The following ICE2 variants were observed in gnomAD, a reference collection of about 807,000 sequenced individuals.
The protein encoded by ICE2 is interactor of little elongation complex ELL subunit 2.
ICE2 carries 87 observed loss-of-function variants against 105.4 expected under a neutral mutation model. The observed-to-expected ratio is 0.83, with a 90% confidence interval of 0.69 to 0.99. The LOEUF is 0.99. ICE2 is among the 50% of genes least tolerant of loss of function. ICE2 has a pLI of 0.00. For synonymous variants in ICE2, 399 were observed against 392.0 expected (o/e 1.02, Z -0.21); for missense variants, 1,323 against 1,146.7 (o/e 1.15, Z -2.22).
At chr15:60,424,713 T>A (rs2063302935) in intron 15 of ICE2, among the ~76,000 whole-genome samples, 1 of 152,156 alleles carries the variant, frequency 6.6e-6, no homozygotes, top group South Asian at 2.1e-4. Flanking sequence ...TTCACCATGT[T>A]TAGGCTGGTC....
intron 15 of ICE2, among the ~76,000 whole-genome samples, chr15:60,427,603 G>A (rs2063365145): frequency 6.6e-6 from 1 of 152,152 alleles, no homozygotes; most frequent in Admixed American, 6.5e-5. Context: ...TTTTGGTAGA[G>A]ATGGGGTTTC....
chr15:60,459,197 T>C (rs986834281), intron 5 of ICE2, among the ~76,000 whole-genome samples: 3 of 152,106 alleles, frequency 2.0e-5, no homozygotes, highest in Admixed American at 6.6e-5. Context: ...TATAAATCCA[T>C]AGACACAATA....
chr15:60,465,967 G>C (rs1428672526), intron 5 of ICE2, among the ~76,000 whole-genome samples: 1 of 151,962 alleles, frequency 6.6e-6, no homozygotes, highest in African/African-American at 2.4e-5. Context: ...GACCAGGCTG[G>C]TCTCGAACTC....
chr15:60,439,757 C>T (rs923381701), intron 12 of ICE2: 4 of 152,112 alleles, frequency 2.6e-5, no homozygotes, highest in African/African-American at 9.7e-5. Flanking sequence ...TCCTTGGTGC[C>T]TTCAATGTCA....
chr15:60,466,597 T>C lies in ICE2; in HGVS notation c.525A>G (p.Thr175=), dbSNP rs1162568059. ...NMLSDDARLF[T]EKILRACIEQ... is the part of the protein sequence containing the mutation. ...CAAATGTGAGTTGTTTTTTTACCTC[T>C]GTGAAGAGACGGGCATCATCAGAAA... is the stretch of plus-strand genomic sequence containing the variant. Residue 175 remains threonine, a synonymous_variant, in exon 5 of 16, where the codon ACA becomes ACG. Transcript: ENST00000261520. 5.6e-6 allele frequency: 9 copies of C among 1,610,602 alleles called. No individual in the cohort carries two copies. Among genetic ancestry groups the C allele is most frequent in the African/African-American group, 4.0e-5 (3 of 74,980 alleles).
At chr15:60,426,533 A>T (rs2063341891) in intron 15 of ICE2, among the ~76,000 whole-genome samples, 1 of 152,234 alleles carries the variant, frequency 6.6e-6, no homozygotes, top group African/African-American at 2.4e-5. Flanking sequence ...ACATGACTAC[A>T]AATTGTGTTA....
At chr15:60,474,716 T>C (rs1197555073) in intron 3 of ICE2, among the ~76,000 whole-genome samples, 2 of 152,240 alleles carry the variant, frequency 1.3e-5, no homozygotes, top group African/African-American at 2.4e-5. Context: ...TGAGCATATG[T>C]AAGTCTTTAA....
At chr15:60,459,730 T>C (rs1242943944) in intron 5 of ICE2, among the ~76,000 whole-genome samples, 1 of 152,160 alleles carries the variant, frequency 6.6e-6, no homozygotes, top group East Asian at 1.9e-4. Flanking sequence ...TGCTCTATGA[T>C]TTCTATATTG....
intron 15 of ICE2, among the ~76,000 whole-genome samples, chr15:60,424,156 CAAG>C (rs2063288066): frequency 2.0e-5 from 3 of 151,434 alleles, no homozygotes; most frequent in African/African-American, 7.3e-5. Flanking sequence ...AAAGGAAATA[CAAG>C]AAGGTCAGAG....
intron 3 of ICE2, among the ~76,000 whole-genome samples, chr15:60,469,401 A>G (rs1044516187): frequency 1.3e-5 from 2 of 152,132 alleles, no homozygotes; most frequent in African/African-American, 4.8e-5. Context: ...GCACACGTTT[A>G]CCTACGTAAC....
chr15:60,426,851 G>C (rs2063349468), intron 15 of ICE2, among the ~76,000 whole-genome samples: 1 of 152,162 alleles, frequency 6.6e-6, no homozygotes, highest in Non-Finnish European at 1.5e-5. Flanking sequence ...CATTCTCCTA[G>C]AAAAACACAG....
chr15:60,424,866 A>C (rs574557887), intron 15 of ICE2, among the ~76,000 whole-genome samples: 1 of 152,252 alleles, frequency 6.6e-6, no homozygotes, highest in African/African-American at 2.4e-5. Context: ...GATGTGATCT[A>C]TAAAAACAGT....
chr15:60,425,490 C>T (rs1380715075), intron 15 of ICE2, among the ~76,000 whole-genome samples: 1 of 152,166 alleles, frequency 6.6e-6, no homozygotes, highest in Non-Finnish European at 1.5e-5. Flanking sequence ...TGTGAAGCTG[C>T]TGCAAGAAAG....
At position 60,453,566 on chromosome 15, in the gene ICE2, T is replaced by G. The variant is rs760524206; in HGVS notation, c.1125+37A>C. 20 of 1,603,014 alleles carry G rather than the reference T, an allele frequency of 1.2e-5. No individual in the cohort carries two copies. In the East Asian group the frequency reaches 4.0e-4, roughly 32 times the overall value. ...TTTATGCTTCAAAAGGATAAACAAG[T>G]ACATTCCCCTTAGGGGAAAAAAAAA... On this transcript the variant is annotated intron_variant, in intron 9 of 15. Transcript: ENST00000261520.
rs188540666 is a variant in ICE2 at position 60,450,508 on chromosome 15, A to G, written c.1126-667T>C. ...CGGCTTTTAACTTATTCAGGACTAC[A>G]CTGTCCCCTCTACAAGGAGACAAGC... On this transcript the variant is annotated intron_variant, in intron 9 of 15. Transcript: ENST00000261520. Among the ~76,000 whole-genome samples the G allele has an allele frequency of 5.3e-5, 8 of 152,354 alleles. No homozygotes were observed. In the East Asian group the frequency reaches 1.5e-3, roughly 29 times the overall value.
intron 5 of ICE2, among the ~76,000 whole-genome samples, chr15:60,458,237 A>G (rs1321170913): frequency 6.6e-6 from 1 of 152,174 alleles, no homozygotes; most frequent in Non-Finnish European, 1.5e-5. Context: ...TCTTTGAAAA[A>G]TAACTAACTG....
intron 11 of ICE2, 36 bp from the exon 12 acceptor site, chr15:60,442,581 T>A: frequency 6.6e-7 from 1 of 1,504,116 alleles, no homozygotes; most frequent in Non-Finnish European, 9.0e-7. Context: ...AAAGCTCTAT[T>A]AATTTACTAT....
Position 60,478,089 on chromosome 15 carries a change from C to A in ICE2, c.-92-20G>T. 2 of 970,270 alleles carry A rather than the reference C, an allele frequency of 2.1e-6. No individual in the cohort carries two copies. The highest frequency in any genetic ancestry group is 3.3e-6 in the Non-Finnish European group (2 of 605,792). 60.1% of individuals were successfully genotyped at this position (970,270 alleles called of 1,614,324 possible). A position where few individuals can be genotyped will look rare whatever the true frequency, so the allele number is the denominator to read the frequency against. ...ACTCAGCTGAGTAAAAACAAAAGGC[C>A]AAGATCAAAAGCAAGTGATTGGCTA... On this transcript the variant is annotated intron_variant, in intron 1 of 15. Coordinates refer to ENST00000261520, the MANE Select transcript of ICE2 (RefSeq NM_024611.6).
rs143967302 is a variant in ICE2 at position 60,448,043 on chromosome 15, A to C, written c.2222T>G (p.Leu741Trp). Reference protein sequence around the residue: ...VYKLFSLQDLLLLVRCSVQRI... With the variant: ...VYKLFSLQDLWLLVRCSVQRI... ...CTGGACACTGCAGCGTACGAGTAAC[A>C]ACAGGTCTTGCAGGCTAAATAACTT... Residue 741 changes from leucine (L) to tryptophan (W), a missense_variant, in exon 11 of 16, where the codon TTG (leucine) becomes TGG (tryptophan). Physicochemically the swap from Leu to Trp is moderately conservative, Grantham distance 61. Coordinates refer to ENST00000261520, the MANE Select transcript of ICE2 (RefSeq NM_024611.6). 1 of 1,613,954 alleles carries C rather than the reference A, an allele frequency of 6.2e-7. No homozygotes were observed. The highest frequency in any genetic ancestry group is 1.7e-5 in the Admixed American group (1 of 60,016).
Sources: allele counts gnomAD v4.1 joint callset (sites outside exome capture counted in the v4.1 genomes callset), GRCh38; gene constraint gnomAD v4.1.1; transcripts MANE v1.5; gene names NCBI Gene and HGNC (gene_info 2026-07-23, HGNC 2026-07-21).